DCDC1: variants seen among roughly 807,000 people sequenced by gnomAD.
The protein encoded by DCDC1 is doublecortin domain containing 1.
Under a neutral mutation model 178.3 loss-of-function variants are expected in DCDC1, and 200 were observed. The ratio of observed to expected loss-of-function variants is 1.12; its 90% CI spans 1.00 to 1.26. The LOEUF is 1.26. Ranked by LOEUF, DCDC1 falls within the 50% of genes most tolerant of loss-of-function variation. The pLI is 0.00. For synonymous variants in DCDC1, 690 were observed against 604.8 expected (o/e 1.14, Z -2.07); for missense variants, 1,983 against 1,749.2 (o/e 1.13, Z -2.38).
At chr11:31,339,876 A>T (rs1287208957) in intron 1 of DCDC1, among the ~76,000 whole-genome samples, 1 of 152,046 alleles carries the variant, frequency 6.6e-6, no homozygotes, top group Non-Finnish European at 1.5e-5. Context: ...AAGTGTCTAG[A>T]CTGCACCTAT....
chr11:31,166,767 C>T (rs912439283), intron 9 of DCDC1, among the ~76,000 whole-genome samples: 2 of 152,184 alleles, frequency 1.3e-5, no homozygotes, highest in African/African-American at 4.8e-5. Context: ...AATTTCCCAA[C>T]CATTTTTGCA....
intron 9 of DCDC1, among the ~76,000 whole-genome samples, chr11:31,200,527 G>A (rs1285650456): frequency 2.0e-5 from 3 of 152,010 alleles, no homozygotes; most frequent in Non-Finnish European, 4.4e-5. Context: ...TGGTCAGAAA[G>A]TCAACAAGTT....
chr11:30,932,415 C>G (rs1182209230), intron 21 of DCDC1, among the ~76,000 whole-genome samples: 1 of 152,104 alleles, frequency 6.6e-6, no homozygotes. Context: ...AAACACATTT[C>G]ACGTTTCAGT....
At chr11:30,865,729 T>C (rs1318591860) in intron 38 of DCDC1, among the ~76,000 whole-genome samples, 1 of 152,150 alleles carries the variant, frequency 6.6e-6, no homozygotes, top group East Asian at 1.9e-4. Flanking sequence ...GTTGAGTGCA[T>C]TCAATTTACC....
At chr11:31,268,417 T>C (rs1417865338) in intron 7 of DCDC1, among the ~76,000 whole-genome samples, 1 of 152,202 alleles carries the variant, frequency 6.6e-6, no homozygotes, top group Non-Finnish European at 1.5e-5. Flanking sequence ...TGTTGCCATC[T>C]TTATGTCCAT....
At chr11:31,091,331 A>G in intron 17 of DCDC1, 62 bp downstream of exon 17, 2 of 677,298 alleles carry the variant, frequency 3.0e-6, no homozygotes, top group South Asian at 3.2e-5. Flanking sequence ...TCACAATTGA[A>G]CTGCTCAGAA....
At chr11:31,000,705 A>G (rs1365485786) in intron 20 of DCDC1, among the ~76,000 whole-genome samples, 1 of 151,882 alleles carries the variant, frequency 6.6e-6, no homozygotes, top group African/African-American at 2.4e-5. Context: ...AGCATAATGC[A>G]TTGTTTTTTT....
chr11:30,978,827 C>CACACACACACACACA (rs1554991411), intron 20 of DCDC1, among the ~76,000 whole-genome samples: 2 of 140,540 alleles, frequency 1.4e-5, no homozygotes, highest in African/African-American at 5.7e-5. Flanking sequence ...CACACACACA[C>CACACACACACACACA]CCCCTTCTCA....
intron 20 of DCDC1, among the ~76,000 whole-genome samples, chr11:30,987,560 T>G (rs552284023): frequency 6.6e-6 from 1 of 152,276 alleles, no homozygotes; most frequent in South Asian, 2.1e-4. Context: ...TGGCTAATTT[T>G]TATGGAGTCA....
chr11:30,883,836 C>T (rs1009916043), intron 36 of DCDC1, among the ~76,000 whole-genome samples: 33 of 152,056 alleles, frequency 2.2e-4, no homozygotes, highest in African/African-American at 6.7e-4. Flanking sequence ...AATCAAATTT[C>T]TTGACTAAGG....
At chr11:31,348,897 C>A (rs368894492) in intron 1 of DCDC1, among the ~76,000 whole-genome samples, 26 of 152,180 alleles carry the variant, frequency 1.7e-4, no homozygotes, top group African/African-American at 6.0e-4. Context: ...CCAAATTATT[C>A]TTTTTAAAAT....
chr11:30,981,029 T>A (rs1265658803), intron 20 of DCDC1, among the ~76,000 whole-genome samples: 1 of 152,204 alleles, frequency 6.6e-6, no homozygotes, highest in Non-Finnish European at 1.5e-5. Flanking sequence ...TAAAATTATG[T>A]CTTTTGCAGC....
rs1351613345 is a variant in DCDC1, at chr11:30,894,281, T to C, written c.4869A>G (p.Glu1623=). 3 of 1,613,848 alleles carry C rather than the reference T, an allele frequency of 1.9e-6. No individual in the cohort carries two copies. The Admixed American group carries it at 5.0e-5, about 27-fold the overall frequency. ...GTCTTATAAGTTCCATGAGTTTAAT[T>C]TCCTGTTGAGTCTGTTCGGTCCAGC... The part of the protein sequence containing the change: ...EGGWTEQTQQ[E]IKLMELIRHT... Residue 1623 remains glutamate (E), a synonymous_variant, in exon 35 of 39, where the codon GAA becomes GAG. Transcript: ENST00000684477.
intron 17 of DCDC1, 86 bp from the exon 18 acceptor site, chr11:31,078,011 T>C (rs1460356507): frequency 5.6e-6 from 4 of 713,830 alleles, no homozygotes; most frequent in South Asian, 4.4e-5. Flanking sequence ...ATTTTCCAGA[T>C]AGCCTGGCAG....
intron 20 of DCDC1, among the ~76,000 whole-genome samples, chr11:31,009,143 A>C (rs890432836): frequency 6.6e-6 from 1 of 152,218 alleles, no homozygotes; most frequent in Non-Finnish European, 1.5e-5. Context: ...ATTTTCTTCA[A>C]AGAAAAAGGC....
intron 21 of DCDC1, among the ~76,000 whole-genome samples, chr11:30,941,484 G>T (rs910767510): frequency 2.0e-5 from 3 of 152,034 alleles, no homozygotes; most frequent in Non-Finnish European, 4.4e-5. Context: ...CATCTCAGTT[G>T]TTTACATTTC....
rs1969330901 is a variant in DCDC1, at chr11:31,185,215, C to G, written c.1222-47431G>C. 2.0e-5 allele frequency among the ~76,000 whole-genome samples: 3 copies of G among 152,094 alleles called. 1 individual carries two copies. In the South Asian group the frequency reaches 6.2e-4, roughly 32 times the overall value. ...ATAAGTGGGAGTTGAACAATGAGAA[C>G]ACAGGGACACAGGGAGGAGAACATC... On this transcript the variant is annotated intron_variant, in intron 9 of 38. Coordinates refer to ENST00000684477, the MANE Select transcript of DCDC1 (RefSeq NM_001387274.1).
chr11:30,917,529 CAT>C (rs1465370106), intron 25 of DCDC1, among the ~76,000 whole-genome samples: 4 of 152,140 alleles, frequency 2.6e-5, no homozygotes, highest in African/African-American at 9.7e-5. Flanking sequence ...AGCATCTGCA[CAT>C]ATGAGCCAGC....
chr11:30,998,556 TA>T (rs1951399940), intron 20 of DCDC1, among the ~76,000 whole-genome samples: 1 of 152,140 alleles, frequency 6.6e-6, no homozygotes, highest in Non-Finnish European at 1.5e-5. Flanking sequence ...TTCCAATTAG[TA>T]AATGTTTTAA....
Sources: gnomAD v4.1 joint callset for allele counts (sites outside exome capture counted in the v4.1 genomes callset) on GRCh38, gnomAD v4.1.1 for gene constraint, MANE v1.5 for transcripts, NCBI Gene and HGNC (gene_info 2026-07-23, HGNC 2026-07-21) for gene names.